The following SCAP variants were observed in gnomAD, a reference collection of about 807,000 sequenced individuals.
The protein encoded by SCAP is SREBF chaperone.
In SCAP, 65 loss-of-function variants were observed where a neutral mutation model predicts 123.6. That is an observed-to-expected ratio of 0.53 (90% CI 0.43 to 0.65). SCAP has a LOEUF of 0.65. SCAP is among the 30% of genes least tolerant of loss of function. SCAP has a pLI of 0.00. For synonymous variants in SCAP, 740 were observed against 726.3 expected, an observed-to-expected ratio of 1.02 and a Z score of -0.30; for missense variants, 1,398 against 1,712.5, an observed-to-expected ratio of 0.82 and a Z score of 3.24.
At position 47,413,881 on chromosome 3, in the gene SCAP, C is replaced by CACAT; in HGVS notation, c.3809_3812dup (p.Pro1272CysfsTer47). On this transcript the variant is annotated frameshift_variant, in exon 23 of 23. Coordinates refer to ENST00000265565, the MANE Select transcript of SCAP (RefSeq NM_012235.4). LOFTEE classifies it high-confidence loss of function. Reference sequence around the variant, plus strand: ...AGTCCAGCTTCTCCAGCACAGAGGGCACATACACCAGGCTGAGCTCACTGC... The same window carrying CACAT: ...AGTCCAGCTTCTCCAGCACAGAGGGCACATACATACACCAGGCTGAGCTCACTGC... 6.2e-7 allele frequency: 1 copy of CACAT among 1,613,076 alleles called. No individual in the cohort carries two copies. The highest frequency in any genetic ancestry group is 8.5e-7 in the Non-Finnish European group (1 of 1,180,018).
chr3:47,453,575 T>C lies in SCAP; in HGVS notation c.-98-10484A>G, dbSNP rs757457096. Among the ~76,000 whole-genome samples, 4 of 152,272 alleles carry C rather than the reference T, an allele frequency of 2.6e-5. 1 individual carries two copies. Among genetic ancestry groups the C allele is most frequent in the African/African-American group, 2.4e-5 (1 of 41,554 alleles). On this transcript the variant is annotated intron_variant, in intron 1 of 22. Coordinates refer to ENST00000265565, the MANE Select transcript of SCAP (RefSeq NM_012235.4). ...AAAAATAACTAGTATTTATAAACCATGTGTCAGCCTCTGGCCTAAGACTTT... is the reference window on the plus strand; with the variant it reads ...AAAAATAACTAGTATTTATAAACCACGTGTCAGCCTCTGGCCTAAGACTTT...
intron 18 of SCAP, 57 bp downstream of exon 18, chr3:47,417,065 G>A (rs182481753): frequency 4.7e-6 from 7 of 1,487,378 alleles, no homozygotes; most frequent in African/African-American, 4.1e-5. Context: ...ACTCAAGAGA[G>A]TATGGCCTAG....
chr3:47,461,035 C>T (rs983383590), intron 1 of SCAP, among the ~76,000 whole-genome samples: 13 of 152,102 alleles, frequency 8.5e-5, no homozygotes, highest in East Asian at 3.9e-4. Context: ...CAGACTTCAC[C>T]GGCCCCTTCC....
At chr3:47,428,806 T>G in intron 3 of SCAP, 136 bp from the exon 4 acceptor site, 1 of 932,240 alleles carries the variant, frequency 1.1e-6, no homozygotes, top group Non-Finnish European at 1.6e-6. Context: ...ATACAAGTTC[T>G]TGAGTTTGCA....
chr3:47,441,994 T>C (rs1207984709), intron 2 of SCAP, among the ~76,000 whole-genome samples: 1 of 149,028 alleles, frequency 6.7e-6, no homozygotes, highest in African/African-American at 2.5e-5. Context: ...GTATGAGCAC[T>C]GCACCTGGCC....
chr3:47,425,129 G>C (rs1439461695), intron 8 of SCAP: 1 of 189,836 alleles, frequency 5.3e-6, no homozygotes. Context: ...GTGTGTGTGT[G>C]GTGTGTGTAT....
chr3:47,418,972 G>C (rs1227664652), intron 13 of SCAP, 129 bp from the exon 14 acceptor site: 2 of 1,046,518 alleles, frequency 1.9e-6, no homozygotes, highest in South Asian at 1.7e-5. Flanking sequence ...TCCCAGCATG[G>C]GGGGTTGGGG....
At chr3:47,467,613 AAAAG>A (rs1707872379) in intron 1 of SCAP, among the ~76,000 whole-genome samples, 3 of 152,148 alleles carry the variant, frequency 2.0e-5, no homozygotes, top group Admixed American at 2.0e-4. Context: ...AAGAAAAAGA[AAAAG>A]AAAAAAAAAC....
intron 8 of SCAP, among the ~76,000 whole-genome samples, chr3:47,424,678 T>C (rs572415688): frequency 2.0e-5 from 3 of 152,328 alleles, no homozygotes; most frequent in South Asian, 2.1e-4. Flanking sequence ...GTGAAGGGTA[T>C]GGCAGACGGT....
chr3:47,420,616 G>A lies in SCAP; in HGVS notation c.1501C>T (p.Pro501Ser). The A allele has an allele frequency of 1.9e-6, 3 of 1,612,280 alleles. No individual in the cohort carries two copies. Among genetic ancestry groups the A allele is most frequent in the East Asian group, 2.2e-5 (1 of 44,868 alleles). Reference sequence around the variant, plus strand: ...AAGTAGACAACACGCAGCCTCTTGGGGAGCCGCAGGTTTCGGAAGGAAGAC... The same window carrying A: ...AAGTAGACAACACGCAGCCTCTTGGAGAGCCGCAGGTTTCGGAAGGAAGAC... ...QPSSFRNLRLPKRLRVVYFLA... is the reference protein window; with the variant it reads ...QPSSFRNLRLSKRLRVVYFLA... The change falls in exon 12 of 23, where the codon CCC becomes TCC. Residue 501 changes from proline (P) to serine (S), a missense_variant. Physicochemically the swap from Pro to Ser is moderately conservative, Grantham distance 74 (BLOSUM62 -1). Around this residue, in one of 7 missense-constraint regions of SCAP, gnomAD observed 828 missense variants for 882.5 expected, o/e 0.94. Coordinates refer to ENST00000265565, the MANE Select transcript of SCAP (RefSeq NM_012235.4). The surrounding 1 kb of genome is among the most constrained non-coding windows in gnomAD (Gnocchi z 5.0).
At chr3:47,422,670 G>T in intron 9 of SCAP, 134 bp from the exon 10 acceptor site, 2 of 663,750 alleles carry the variant, frequency 3.0e-6, no homozygotes, top group Non-Finnish European at 5.1e-6. Context: ...TTCCACCAAA[G>T]CACCCCAACC....
At position 47,420,575 on chromosome 3, in the gene SCAP, G is replaced by A; in HGVS notation, c.1542C>T (p.Arg514=). ...LRVVYFLART[R]LAQRLIMAGT... is the part of the protein sequence containing the mutation. ...GTACCATGATGAGGCGCTGTGCCAG[G>A]CGGGTGCGGGCCAGGAAGTAGACAA... Residue 514 remains arginine (R), a synonymous_variant, in exon 12 of 23, where the codon CGC becomes CGT. Coordinates refer to ENST00000265565, the MANE Select transcript of SCAP (RefSeq NM_012235.4). The surrounding 1 kb of genome is among the most constrained non-coding windows in gnomAD (Gnocchi z 5.0). 1 of 1,608,082 alleles carries A rather than the reference G, an allele frequency of 6.2e-7. No individual in the cohort carries two copies. The highest frequency in any genetic ancestry group is 8.5e-7 in the Non-Finnish European group (1 of 1,177,682).
intron 3 of SCAP, among the ~76,000 whole-genome samples, chr3:47,429,773 G>A (rs1320585472): frequency 6.6e-6 from 1 of 152,116 alleles, no homozygotes; most frequent in Non-Finnish European, 1.5e-5. Flanking sequence ...ACAACAGCAG[G>A]GTCAAATGGC....
chr3:47,442,834 C>A (rs746787082), intron 2 of SCAP, 38 bp downstream of exon 2: 1 of 1,590,082 alleles, frequency 6.3e-7, no homozygotes. Flanking sequence ...TGTCCTAAGA[C>A]ACTGGCCCAC....
chr3:47,458,887 C>T (rs1707526032), intron 1 of SCAP, among the ~76,000 whole-genome samples: 1 of 152,218 alleles, frequency 6.6e-6, no homozygotes, highest in South Asian at 2.1e-4. Flanking sequence ...CTCACTGCAA[C>T]CTCAGCCTCC....
intron 3 of SCAP, among the ~76,000 whole-genome samples, chr3:47,432,606 G>A (rs1334262603): frequency 6.6e-6 from 1 of 152,190 alleles, no homozygotes; most frequent in South Asian, 2.1e-4. Context: ...TGGCTCCTTC[G>A]TATAGGCAGC....
In SCAP at chr3:47,439,550, A is replaced by G. The variant is rs901304138; in HGVS notation, c.122+3322T>C. ...CTGCACATAGGGCAGTCCAACTAAC[A>G]TGGCATCTGGGTGCTCTTTTTATCC... On this transcript the variant is annotated intron_variant, in intron 2 of 22. Transcript: ENST00000265565. This position sits in a 1 kb window ranked among gnomAD's most constrained non-coding sequence, Gnocchi z 4.0. 2.6e-5 allele frequency among the ~76,000 whole-genome samples: 4 copies of G among 152,146 alleles called. No homozygotes were observed. Among genetic ancestry groups the G allele is most frequent in the African/African-American group, 7.2e-5 (3 of 41,454 alleles).
Position 47,419,974 on chromosome 3 carries a change from C to A in SCAP, c.1564-270G>T, listed in dbSNP as rs77215549. Reference sequence around the variant, plus strand: ...CACTGAAGCACCCTGAGGTTTGACACAGAATGTCCCCACCCCTAAGCTCCA... The same window carrying A: ...CACTGAAGCACCCTGAGGTTTGACAAAGAATGTCCCCACCCCTAAGCTCCA... On this transcript the variant is annotated intron_variant, in intron 12 of 22. Transcript: ENST00000265565. The surrounding 1 kb of genome is among the most constrained non-coding windows in gnomAD (Gnocchi z 5.0). 0.023 allele frequency among the ~76,000 whole-genome samples: 3,563 copies of A among 152,308 alleles called. 110 individuals carry two copies. The highest frequency in any genetic ancestry group is 0.026 in the Non-Finnish European group (1,741 of 68,030).
intron 1 of SCAP, among the ~76,000 whole-genome samples, chr3:47,472,519 TA>T (rs1708071117): frequency 6.6e-6 from 1 of 151,978 alleles, no homozygotes; most frequent in Admixed American, 6.6e-5. Context: ...AAATTAGTTT[TA>T]TTTTTTTCCT....
Sources: gnomAD v4.1 joint callset for allele counts (sites outside exome capture counted in the v4.1 genomes callset) on GRCh38, gnomAD v4.1.1 for gene constraint, gnomAD v4.1.1 regional missense constraint, Gnocchi (gnomAD v3.1) non-coding constraint, MANE v1.5 for transcripts, NCBI Gene and HGNC (gene_info 2026-07-23, HGNC 2026-07-21) for gene names.